The following KCNK1 variants were observed in gnomAD, a reference collection of about 807,000 sequenced individuals.
The protein encoded by KCNK1 is potassium channel subfamily K member 1.
KCNK1 carries 10 observed loss-of-function variants against 22.2 expected under a neutral mutation model. The ratio of observed to expected loss-of-function variants is 0.45; its 90% CI spans 0.28 to 0.76. The LOEUF (loss-of-function observed/expected upper bound fraction) is 0.76. Among genes scored for constraint, KCNK1 ranks in the 30% least tolerant of loss-of-function variants. The probability of loss-of-function intolerance (pLI) is 0.14; values close to 1 mark genes in which losing one functional copy is unlikely to be tolerated. For missense variants in KCNK1, 378 were observed against 421.0 expected (o/e 0.90, Z 0.89); for synonymous variants, 200 against 186.4 (o/e 1.07, Z -0.60).
Position 233,667,888 on chromosome 1 carries a change from G to A in KCNK1, c.751+898G>A, listed in dbSNP as rs960112375. On this transcript the variant is annotated intron_variant, in intron 2 of 2. Transcript: ENST00000366621. ...ATCAATCATGCTCTTTAATTTACCA[G>A]AAAAGTCTTAAAAGAGCTGCTTACC... is the stretch of plus-strand genomic sequence containing the variant. Among the ~76,000 whole-genome samples the A allele has an allele frequency of 2.6e-5, 4 of 152,170 alleles. No homozygotes were observed. In the East Asian group the frequency reaches 7.7e-4, roughly 29 times the overall value.
intron 1 of KCNK1, chr1:233,655,682 G>A (rs924378624): frequency 6.6e-6 from 1 of 152,480 alleles, no homozygotes; most frequent in Admixed American, 6.5e-5. Flanking sequence ...AGAGACATAA[G>A]AGGGACTCCT....
At chr1:233,665,659 G>A (rs1403260232) in intron 1 of KCNK1, among the ~76,000 whole-genome samples, 1 of 146,828 alleles carries the variant, frequency 6.8e-6, no homozygotes. Flanking sequence ...TGGTCCACAG[G>A]TTTTGCAACA....
At chr1:233,622,514 C>T (rs1011263065) in intron 1 of KCNK1, among the ~76,000 whole-genome samples, 2 of 152,210 alleles carry the variant, frequency 1.3e-5, no homozygotes, top group Non-Finnish European at 2.9e-5. Flanking sequence ...CTCCTAGACT[C>T]AGTCTGTACT....
At chr1:233,667,871 T>C (rs1183955052) in intron 2 of KCNK1, among the ~76,000 whole-genome samples, 3 of 152,174 alleles carry the variant, frequency 2.0e-5, no homozygotes, top group Non-Finnish European at 2.9e-5. Context: ...TTATCAATCA[T>C]GCTCTTTAAT....
At chr1:233,631,212 C>T (rs758273106) in intron 1 of KCNK1, 26 of 513,204 alleles carry the variant, frequency 5.1e-5, no homozygotes, top group Middle Eastern at 3.2e-4. Flanking sequence ...CTCAAATAGG[C>T]GTGATGGTGA....
chr1:233,659,409 A>T (rs1658353114), intron 1 of KCNK1, among the ~76,000 whole-genome samples: 1 of 148,934 alleles, frequency 6.7e-6, no homozygotes, highest in African/African-American at 2.5e-5. Flanking sequence ...TACATTTGAC[A>T]TTTTTTTTAT....
chr1:233,623,844 T>C (rs1657635370), intron 1 of KCNK1, among the ~76,000 whole-genome samples: 1 of 152,086 alleles, frequency 6.6e-6, no homozygotes, highest in Non-Finnish European at 1.5e-5. Context: ...CACCTCAGCC[T>C]CCCAAAGTGC....
intron 1 of KCNK1, among the ~76,000 whole-genome samples, chr1:233,658,673 GCATATT>G (rs779679627): frequency 1.7e-4 from 26 of 152,188 alleles, no homozygotes; most frequent in Non-Finnish European, 3.5e-4. Context: ...GAATGCTATA[GCATATT>G]GCTCTAGGTT....
chr1:233,627,899 C>T (rs568229192), intron 1 of KCNK1, among the ~76,000 whole-genome samples: 95 of 152,346 alleles, frequency 6.2e-4, no homozygotes, highest in African/African-American at 2.3e-3. Flanking sequence ...TCTGGTGGAA[C>T]ACCAGAGTTA....
In KCNK1 at chr1:233,652,550, GCTTTC is replaced by G. The variant is rs1216435481; in HGVS notation, c.356-14039_356-14035del. ...GCCTTTAAAGCATAACATACCGAAT[GCTTTC>G]CTTTCATTTTTTCATTGGAATGCTC... On this transcript the variant is annotated intron_variant, in intron 1 of 2. Coordinates refer to ENST00000366621, the MANE Select transcript of KCNK1 (RefSeq NM_002245.4). Among the ~76,000 whole-genome samples, 4 of 152,190 alleles carry G rather than the reference GCTTTC, an allele frequency of 2.6e-5. No homozygotes were observed. In the South Asian group the frequency reaches 6.2e-4, roughly 24 times the overall value.
chr1:233,618,525 A>G (rs968567839), intron 1 of KCNK1, among the ~76,000 whole-genome samples: 1 of 152,214 alleles, frequency 6.6e-6, no homozygotes, highest in Admixed American at 6.5e-5. Flanking sequence ...ATGTTGATTT[A>G]CTAAAGTTTA....
chr1:233,624,080 G>A (rs1220379373), intron 1 of KCNK1: 1 of 153,780 alleles, frequency 6.5e-6, no homozygotes, highest in Non-Finnish European at 1.5e-5. Context: ...TTGTTATGTG[G>A]GGGGCTCTGT....
At chr1:233,624,241 G>A (rs1657646233) in intron 1 of KCNK1, 1 of 153,000 alleles carries the variant, frequency 6.5e-6, no homozygotes, top group African/African-American at 2.4e-5. Context: ...GCACTGAGGA[G>A]GGAGGCGGCA....
At chr1:233,650,933 A>G (rs1351245121) in intron 1 of KCNK1, among the ~76,000 whole-genome samples, 1 of 152,132 alleles carries the variant, frequency 6.6e-6, no homozygotes, top group Non-Finnish European at 1.5e-5. Context: ...GGCTGCTCTG[A>G]GTTCCTGTGG....
At chr1:233,642,165 T>C (rs2102895838) in intron 1 of KCNK1, among the ~76,000 whole-genome samples, 1 of 152,350 alleles carries the variant, frequency 6.6e-6, no homozygotes, top group African/African-American at 2.4e-5. Flanking sequence ...TGGGGAGTCA[T>C]GTTCTGGTCT....
chr1:233,667,846 C>T (rs189796588), intron 2 of KCNK1, among the ~76,000 whole-genome samples: 2 of 151,748 alleles, frequency 1.3e-5, no homozygotes, highest in African/African-American at 4.8e-5. Flanking sequence ...AAAACTAGGC[C>T]TCGGATAGAG....
intron 1 of KCNK1, among the ~76,000 whole-genome samples, chr1:233,632,062 G>T (rs115405980): frequency 6.6e-6 from 1 of 152,162 alleles, no homozygotes; most frequent in Non-Finnish European, 1.5e-5. Context: ...TTCCACGTGC[G>T]TGCTGCTGTG....
At chr1:233,671,243 C>G in intron 2 of KCNK1, 28 bp from the exon 3 acceptor site, 1 of 1,610,690 alleles carries the variant, frequency 6.2e-7, no homozygotes, top group South Asian at 1.1e-5. Flanking sequence ...TGAGATCACA[C>G]TAAGACAGTG....
intron 1 of KCNK1, chr1:233,629,459 G>A (rs898225205): frequency 6.6e-6 from 1 of 152,204 alleles, no homozygotes; most frequent in African/African-American, 2.4e-5. Flanking sequence ...AGACCGTGAG[G>A]GTGCCAGCCT....
Sources: allele counts gnomAD v4.1 joint callset (sites outside exome capture counted in the v4.1 genomes callset), GRCh38; gene constraint gnomAD v4.1.1; transcripts MANE v1.5; gene names NCBI Gene and HGNC (gene_info 2026-07-23, HGNC 2026-07-21).